PACRG: variants seen among roughly 807,000 people sequenced by gnomAD.
PACRG encodes parkin coregulated, also known as parkin coregulated gene protein.
PACRG carries 29 observed loss-of-function variants against 29.7 expected under a neutral mutation model. The ratio of observed to expected loss-of-function variants is 0.98; its 90% confidence interval spans 0.73 to 1.33. The LOEUF is 1.33. PACRG is among the 40% of genes most tolerant of loss of function. The pLI is 0.00. For missense variants in PACRG, 279 were observed against 316.2 expected, an observed-to-expected ratio of 0.88 and a Z score of 0.89; for synonymous variants, 116 against 118.7, an observed-to-expected ratio of 0.98 and a Z score of 0.15.
intron 2 of PACRG, among the ~76,000 whole-genome samples, chr6:162,832,886 TC>T (rs1788908445): frequency 6.6e-6 from 1 of 152,042 alleles, no homozygotes; most frequent in Non-Finnish European, 1.5e-5. Flanking sequence ...TTTGATGTCT[TC>T]CTTTCTACTC....
At chr6:163,191,472 G>A (rs1046826270) in intron 4 of PACRG, 5 of 355,808 alleles carry the variant, frequency 1.4e-5, no homozygotes, top group Non-Finnish European at 2.2e-5. Flanking sequence ...CACCACCCTT[G>A]GGGGAGGTCA....
intron 4 of PACRG, among the ~76,000 whole-genome samples, chr6:163,156,831 T>A (rs569171004): frequency 6.6e-6 from 1 of 152,256 alleles, no homozygotes; most frequent in East Asian, 1.9e-4. Context: ...GCCAGCAACG[T>A]TGCATCTCCC....
rs1363928169 is a variant in PACRG at position 162,728,104 on chromosome 6, G to A, written c.-132G>A. The stretch of plus-strand genomic sequence containing the variant: ...CTGCCAAACATCTGGATCAACCTGG[G>A]CACTACGAGGGGTTGAATTTCTACC... On this transcript the variant is annotated 5_prime_UTR_variant, in exon 1 of 5. Transcript: ENST00000366888. 2.8e-6 allele frequency: 3 copies of A among 1,086,494 alleles called. No homozygotes were observed. The African/African-American group carries it at 4.7e-5, about 17-fold the overall frequency. 67.3% of individuals were successfully genotyped at this position (1,086,494 alleles called of 1,614,324 possible). A position where few individuals can be genotyped will look rare whatever the true frequency, so the allele number is the denominator to read the frequency against.
chr6:162,828,586 T>C (rs147667634), intron 2 of PACRG, among the ~76,000 whole-genome samples: 1 of 152,192 alleles, frequency 6.6e-6, no homozygotes, highest in East Asian at 1.9e-4. Flanking sequence ...CAAATAAATA[T>C]AGAGACTGAT....
intron 2 of PACRG, among the ~76,000 whole-genome samples, chr6:162,926,299 A>T (rs1484418613): frequency 1.3e-5 from 2 of 152,178 alleles, no homozygotes; most frequent in African/African-American, 4.8e-5. Context: ...TATTAGAAAA[A>T]AAACTACTTT....
intron 2 of PACRG, among the ~76,000 whole-genome samples, chr6:162,837,828 G>C (rs556259939): frequency 1.3e-5 from 2 of 152,202 alleles, no homozygotes; most frequent in Admixed American, 1.3e-4. Context: ...GTCATCAAAG[G>C]CATCTGGAAA....
At chr6:162,927,218 T>C (rs1797510192) in intron 2 of PACRG, among the ~76,000 whole-genome samples, 1 of 152,134 alleles carries the variant, frequency 6.6e-6, no homozygotes, top group South Asian at 2.1e-4. Context: ...TGTAAATTAG[T>C]TCAACTATTG....
At chr6:162,811,113 A>G (rs1039088856) in intron 1 of PACRG, among the ~76,000 whole-genome samples, 1 of 152,220 alleles carries the variant, frequency 6.6e-6, no homozygotes, top group African/African-American at 2.4e-5. Flanking sequence ...CAAAGCCTTG[A>G]AGGGTAGATG....
intron 2 of PACRG, among the ~76,000 whole-genome samples, chr6:163,012,402 C>T (rs1805695092): frequency 6.6e-6 from 1 of 152,158 alleles, no homozygotes; most frequent in Admixed American, 6.6e-5. Flanking sequence ...CCTGAACAGC[C>T]AAGATCAGCA....
intron 2 of PACRG, among the ~76,000 whole-genome samples, chr6:162,958,259 G>A (rs1336932980): frequency 3.3e-5 from 5 of 151,986 alleles, no homozygotes; most frequent in Admixed American, 3.3e-4. Context: ...TCTATTTTAT[G>A]AAAAATAATG....
chr6:163,151,532 G>A (rs571952424), intron 4 of PACRG, among the ~76,000 whole-genome samples: 88 of 152,244 alleles, frequency 5.8e-4, no homozygotes, highest in Non-Finnish European at 9.7e-4. Flanking sequence ...AAATTAGCAC[G>A]AATCTGTGCT....
intron 2 of PACRG, among the ~76,000 whole-genome samples, chr6:162,873,754 C>T (rs534464327): frequency 5.9e-5 from 9 of 152,270 alleles, no homozygotes; most frequent in South Asian, 4.1e-4. Context: ...GGCACCAAAA[C>T]TTTCAGTGAC....
At chr6:162,852,050 T>C (rs969576764) in intron 2 of PACRG, among the ~76,000 whole-genome samples, 1 of 130,584 alleles carries the variant, frequency 7.7e-6, no homozygotes, top group Non-Finnish European at 1.6e-5. Context: ...GATGGAAAGC[T>C]CCATCCTGGA....
At chr6:163,083,643 G>A (rs780896647) in intron 3 of PACRG, among the ~76,000 whole-genome samples, 1 of 152,056 alleles carries the variant, frequency 6.6e-6, no homozygotes, top group Non-Finnish European at 1.5e-5. Flanking sequence ...TCATTTTTAT[G>A]TATTAATTTG....
chr6:163,281,617 G>A (rs2128183940), intron 4 of PACRG, among the ~76,000 whole-genome samples: 1 of 152,026 alleles, frequency 6.6e-6, no homozygotes, highest in Middle Eastern at 3.4e-3. Flanking sequence ...GAAATCTATA[G>A]CAAGATCTCT....
At chr6:162,831,084 G>A (rs548663851) in intron 2 of PACRG, among the ~76,000 whole-genome samples, 5 of 152,074 alleles carry the variant, frequency 3.3e-5, no homozygotes, top group East Asian at 1.9e-4. Flanking sequence ...CTAACATACC[G>A]TTCATTCTTT....
intron 4 of PACRG, among the ~76,000 whole-genome samples, chr6:163,221,828 AGGCACAG>A (rs201610412): frequency 0.013 from 1,912 of 152,262 alleles, 54 homozygotes; most frequent in African/African-American, 0.043. Flanking sequence ...CTTCCCTGCC[AGGCACAG>A]GTGTGTATTG....
intron 2 of PACRG, among the ~76,000 whole-genome samples, chr6:162,987,624 T>G (rs769334900): frequency 5.3e-5 from 8 of 152,176 alleles, no homozygotes; most frequent in Non-Finnish European, 1.0e-4. Context: ...TCCGCCATGA[T>G]TATGAAGCTT....
chr6:162,899,389 G>T (rs971841983), intron 2 of PACRG, among the ~76,000 whole-genome samples: 5 of 152,096 alleles, frequency 3.3e-5, no homozygotes, highest in Non-Finnish European at 7.4e-5. Flanking sequence ...CCCAGAGGAC[G>T]TCTCACCTTT....
Sources: allele counts gnomAD v4.1 joint callset (sites outside exome capture counted in the v4.1 genomes callset), GRCh38; gene constraint gnomAD v4.1.1; transcripts MANE v1.5; gene names NCBI Gene and HGNC (gene_info 2026-07-23, HGNC 2026-07-21).